The following KLC2 variants were observed in gnomAD, a reference collection of about 807,000 sequenced individuals.
The protein encoded by KLC2 is kinesin light chain 2.
KLC2 carries 35 observed loss-of-function variants against 75.1 expected under a neutral mutation model. The ratio of observed to expected loss-of-function variants is 0.47; its 90% confidence interval spans 0.36 to 0.62. The LOEUF is 0.62. Among genes scored for constraint, KLC2 ranks in the 20% least tolerant of loss-of-function variants. KLC2 has a pLI of 0.00. For missense variants in KLC2, 611 were observed against 833.2 expected (o/e 0.73, Z 3.28); for synonymous variants, 314 against 336.7 (o/e 0.93, Z 0.74).
chr11:66,262,634 GCCTCTACCC>G, intron 4 of KLC2, 171 bp from the exon 5 acceptor site: 1 of 599,852 alleles, frequency 1.7e-6, no homozygotes, highest in Non-Finnish European at 3.0e-6. Flanking sequence ...CTGGAGCTGG[GCCTCTACCC>G]CCTCTTTCTA....
intron 2 of KLC2, chr11:66,259,899 T>C (rs1343536359): frequency 6.6e-6 from 1 of 152,138 alleles, no homozygotes; most frequent in African/African-American, 2.4e-5. Flanking sequence ...AAGTTTGTGA[T>C]TTAAGCAAAT....
chr11:66,255,911 G>A (rs1231434478), upstream of KLC2, among the ~76,000 whole-genome samples: 13 of 151,914 alleles, frequency 8.6e-5, no homozygotes, highest in Non-Finnish European at 1.5e-5. Flanking sequence ...GACTACAGGC[G>A]TGCGCCACCA....
chr11:66,263,785 C>T, intron 6 of KLC2, 38 bp downstream of exon 6: 2 of 1,603,956 alleles, frequency 1.2e-6, no homozygotes, highest in Non-Finnish European at 8.5e-7. Flanking sequence ...GGCTGTGCCC[C>T]ATCCCCTGCA....
intron 8 of KLC2, 46 bp from the exon 9 acceptor site, chr11:66,264,299 C>T: frequency 1.3e-6 from 2 of 1,579,566 alleles, no homozygotes; most frequent in Non-Finnish European, 1.7e-6. Flanking sequence ...GAGAAAAAGG[C>T]TTGGCTGCAT....
At chr11:66,253,179 G>A (rs1053064456), upstream of KLC2, among the ~76,000 whole-genome samples, 5 of 151,958 alleles carry the variant, frequency 3.3e-5, no homozygotes, top group African/African-American at 1.2e-4. Flanking sequence ...ATGTTGGCCA[G>A]GCTAGTCTCA....
chr11:66,265,256 C>T, intron 11 of KLC2, 21 bp downstream of exon 11: 3 of 1,215,648 alleles, frequency 2.5e-6, no homozygotes, highest in Non-Finnish European at 3.6e-6. Flanking sequence ...CGGGGCTGGG[C>T]TGGGGAGCAG....
chr11:66,252,890 CCAA>C (rs1321141189), upstream of KLC2, among the ~76,000 whole-genome samples: 1 of 152,002 alleles, frequency 6.6e-6, no homozygotes, highest in East Asian at 1.9e-4. Flanking sequence ...GCAGAAAGAA[CCAA>C]CAACTAGTGG....
In KLC2 at chr11:66,258,660, G is replaced by C; in HGVS notation, c.66G>C (p.Lys22Asn). The change falls in exon 2 of 16, where the codon AAG becomes AAC. Residue 22 changes from lysine to asparagine, a missense_variant. Physicochemically the swap from Lys to Asn is moderately conservative, Grantham distance 94. Transcript: ENST00000394067. Reference protein sequence around the residue: ...LSQDEIVLGTKAVIQGLETLR... With the variant: ...LSQDEIVLGTNAVIQGLETLR... ...AGGATGAGATCGTGCTGGGCACCAA[G>C]GCTGTCATCCAGGGACTGGAGACTC... The C allele has an allele frequency of 6.2e-7, 1 of 1,614,084 alleles. No individual in the cohort carries two copies. The highest frequency in any genetic ancestry group is 8.5e-7 in the Non-Finnish European group (1 of 1,180,004).
chr11:66,266,283 AGT>A (rs1856820071), intron 14 of KLC2, 66 bp downstream of exon 14: 3 of 1,544,606 alleles, frequency 1.9e-6, no homozygotes, highest in Admixed American at 1.8e-5. Flanking sequence ...CCTGACCCAG[AGT>A]GTGCCCCACT....
chr11:66,262,458 T>A (rs1404277433), intron 4 of KLC2: 1 of 559,260 alleles, frequency 1.8e-6, no homozygotes, highest in Non-Finnish European at 3.2e-6. Flanking sequence ...GGGAGAGTTC[T>A]CTTCCTCTCC....
At chr11:66,266,264 G>A (rs369444472) in intron 14 of KLC2, 47 bp downstream of exon 14, 50 of 1,563,608 alleles carry the variant, frequency 3.2e-5, no homozygotes, top group Middle Eastern at 2.3e-4. Context: ...CAGCAACCCC[G>A]GATGAGCTCC....
chr11:66,261,654 TG>T, intron 2 of KLC2, 87 bp from the exon 3 acceptor site: 1 of 784,076 alleles, frequency 1.3e-6, no homozygotes, highest in Non-Finnish European at 2.1e-6. Flanking sequence ...GGCCCTTCAC[TG>T]GGTGCCAGAG....
At chr11:66,266,303 G>A in intron 14 of KLC2, 86 bp downstream of exon 14, 1 of 1,511,296 alleles carries the variant, frequency 6.6e-7, no homozygotes, top group Non-Finnish European at 9.0e-7. Context: ...ACTGACCCCA[G>A]GCAACCTCCC....
In KLC2 at chr11:66,267,763, G is replaced by A. The variant is rs1343039727; in HGVS notation, c.*807G>A. On this transcript the variant is annotated 3_prime_UTR_variant, in exon 16 of 16. Coordinates refer to ENST00000394067, the MANE Select transcript of KLC2 (RefSeq NM_001318734.2). ...CAGCTTCTCGCGAGGGGCGGCGACG[G>A]TCCCCTGGTGGCAGGAGGGGCTCCC... 2.2e-6 allele frequency: 1 copy of A among 460,022 alleles called. No homozygotes were observed. 28.5% of individuals were successfully genotyped at this position (460,022 alleles called of 1,614,324 possible). A position where few individuals can be genotyped will look rare whatever the true frequency, so the allele number is the denominator to read the frequency against.
At chr11:66,262,584 G>T in intron 4 of KLC2, 1 of 585,634 alleles carries the variant, frequency 1.7e-6, no homozygotes, top group Non-Finnish European at 3.1e-6. Context: ...CACAGGCTCA[G>T]AGGTTAGGCA....
In KLC2 at chr11:66,262,188, C is replaced by T. The variant is rs146812832; in HGVS notation, c.525C>T (p.Ser175=). The T allele has an allele frequency of 2.5e-6, 4 of 1,612,966 alleles. No individual in the cohort carries two copies. The highest frequency in any genetic ancestry group is 1.7e-6 in the Non-Finnish European group (2 of 1,179,602). Residue 175 remains serine (S), a synonymous_variant, in exon 4 of 16, where the codon AGC becomes AGT. Coordinates refer to ENST00000394067, the MANE Select transcript of KLC2 (RefSeq NM_001318734.2). The part of the protein sequence containing the change: ...DDLFPNEDEQ[S]PAPSPGGGDV... ...TGTTCCCCAATGAGGATGAGCAGAG[C>T]CCAGGTGCGGATGGGCAGTTCTGGA...
At chr11:66,249,155 T>A in the KLC2 span, among the ~76,000 whole-genome samples, 1 of 152,218 alleles carries the variant, frequency 6.6e-6, no homozygotes, top group Non-Finnish European at 1.5e-5. Context: ...CAGTTGGGGA[T>A]TGTCTGATGT....
upstream of KLC2, among the ~76,000 whole-genome samples, chr11:66,255,182 C>T (rs773463867): frequency 5.9e-5 from 9 of 152,194 alleles, no homozygotes; most frequent in African/African-American, 2.2e-4. Flanking sequence ...ATCAGTGCAA[C>T]ATATATGTAG....
chr11:66,254,374 C>T (rs1246715906), upstream of KLC2, among the ~76,000 whole-genome samples: 1 of 149,926 alleles, frequency 6.7e-6, no homozygotes, highest in Non-Finnish European at 1.5e-5. Flanking sequence ...GCTTTAAAGC[C>T]ACAAGAGGCG....
Sources: gnomAD v4.1 joint callset for allele counts (sites outside exome capture counted in the v4.1 genomes callset) on GRCh38, gnomAD v4.1.1 for gene constraint, MANE v1.5 for transcripts, NCBI Gene and HGNC (gene_info 2026-07-23, HGNC 2026-07-21) for gene names.